DENND1B: variants seen among roughly 807,000 people sequenced by gnomAD.
The protein encoded by DENND1B is DENN domain containing 1B, also known as DENN domain-containing protein 1B.
A neutral mutation model predicts 90.1 loss-of-function variants in DENND1B; 59 were observed. That is an observed-to-expected ratio of 0.65 (90% CI 0.53 to 0.81). The LOEUF (loss-of-function observed/expected upper bound fraction) is 0.81, where lower values mean the gene tolerates loss of function less well. Ranked by LOEUF, DENND1B falls within the 40% of genes least tolerant of loss-of-function variation. The pLI is 0.00. For synonymous variants in DENND1B, 337 were observed against 324.6 expected, an observed-to-expected ratio of 1.04 and a Z score of -0.41; for missense variants, 862 against 912.6, an observed-to-expected ratio of 0.94 and a Z score of 0.71.
At chr1:197,697,351 AAAC>A (rs1658539076) in intron 3 of DENND1B, among the ~76,000 whole-genome samples, 1 of 151,792 alleles carries the variant, frequency 6.6e-6, no homozygotes, top group African/African-American at 2.4e-5. Flanking sequence ...TAAATAAAAG[AAAC>A]AACATTCCAA....
At chr1:197,671,091 T>G (rs1655460034) in intron 5 of DENND1B, among the ~76,000 whole-genome samples, 1 of 152,174 alleles carries the variant, frequency 6.6e-6, no homozygotes, top group Non-Finnish European at 1.5e-5. Context: ...TAAATATGAA[T>G]AGCAAATGAA....
intron 10 of DENND1B, among the ~76,000 whole-genome samples, chr1:197,636,855 T>C (rs1292049491): frequency 6.6e-6 from 1 of 151,888 alleles, no homozygotes; most frequent in Non-Finnish European, 1.5e-5. Flanking sequence ...GGAAAACAGA[T>C]GAGAGGGAGG....
At chr1:197,778,653 G>A (rs1262568020), upstream of DENND1B, among the ~76,000 whole-genome samples, 1 of 151,488 alleles carries the variant, frequency 6.6e-6, no homozygotes, top group East Asian at 1.9e-4. Flanking sequence ...TTGCAGCCTG[G>A]TTGACAGAGT....
rs1418000067 is a variant in DENND1B at position 197,686,968 on chromosome 1, TGCTTC to T, written c.127-12804_127-12800del. On this transcript the variant is annotated intron_variant, in intron 3 of 22. Transcript: ENST00000620048. ...TCGTTCATGCAACTTTTCCTCTCTT[TGCTTC>T]AATTTCCTATTCTGTGAAATAAAAG... Among the ~76,000 whole-genome samples the T allele has an allele frequency of 2.6e-5, 4 of 152,184 alleles. No individual in the cohort carries two copies. In the East Asian group the frequency reaches 5.8e-4, roughly 22 times the overall value.
chr1:197,623,754 T>C (rs1678388641), intron 10 of DENND1B, among the ~76,000 whole-genome samples: 1 of 151,452 alleles, frequency 6.6e-6, no homozygotes, highest in African/African-American at 2.4e-5. Flanking sequence ...ATCATTGTCA[T>C]CTGAGTCCCT....
intron 2 of DENND1B, among the ~76,000 whole-genome samples, chr1:197,719,400 A>G (rs1342751313): frequency 6.6e-6 from 1 of 152,174 alleles, no homozygotes; most frequent in Non-Finnish European, 1.5e-5. Context: ...GGAGCCTAAG[A>G]CAGAAGCTGA....
chr1:197,650,025 A>G lies in DENND1B; in HGVS notation c.447+2210T>C, dbSNP rs140971278. Among the ~76,000 whole-genome samples, 92 of 152,268 alleles carry G rather than the reference A, an allele frequency of 6.0e-4. 1 individual carries two copies. Among genetic ancestry groups the G allele is most frequent in the East Asian group, 4.1e-3 (21 of 5,170 alleles). ...CAAATCAGTAAAAATAAACAATCCC[A>G]TTAAAAAGTGAGCTAAGGACATGAA... On this transcript the variant is annotated intron_variant, in intron 7 of 22. Coordinates refer to ENST00000620048, the MANE Select transcript of DENND1B (RefSeq NM_001195215.2).
chr1:197,555,178 A>T (rs1003587473), intron 15 of DENND1B, among the ~76,000 whole-genome samples: 1 of 152,126 alleles, frequency 6.6e-6, no homozygotes, highest in African/African-American at 2.4e-5. Flanking sequence ...ATTAAAAAAA[A>T]TTAACTCAAG....
chr1:197,594,087 T>C (rs1021981615), intron 14 of DENND1B, among the ~76,000 whole-genome samples: 10 of 152,172 alleles, frequency 6.6e-5, no homozygotes, highest in African/African-American at 2.2e-4. Flanking sequence ...CTATGAATTA[T>C]ATAATGCTTT....
intron 20 of DENND1B, among the ~76,000 whole-genome samples, chr1:197,529,864 G>A (rs568134240): frequency 1.3e-5 from 2 of 152,126 alleles, no homozygotes; most frequent in Non-Finnish European, 2.9e-5. Context: ...TCTGCACCAT[G>A]ACCAGTGGCT....
rs1466861590 is a variant in DENND1B, at chr1:197,615,466, G to GC, written c.773+2192dup. 5.3e-5 allele frequency among the ~76,000 whole-genome samples: 8 copies of GC among 151,124 alleles called. No individual in the cohort carries two copies. In the South Asian group the frequency reaches 1.5e-3, roughly 27 times the overall value. ...TCAGGATTCAGAAAGTTCCAATCGTGCCAAAGAGTTAGCAAAGATATATCT... is the reference window on the plus strand; with the variant it reads ...TCAGGATTCAGAAAGTTCCAATCGTGCCCAAAGAGTTAGCAAAGATATATCT... On this transcript the variant is annotated intron_variant, in intron 11 of 22. Coordinates refer to ENST00000620048, the MANE Select transcript of DENND1B (RefSeq NM_001195215.2).
chr1:197,700,099 GA>G (rs1308897940), intron 3 of DENND1B, among the ~76,000 whole-genome samples: 4 of 151,962 alleles, frequency 2.6e-5, no homozygotes, highest in African/African-American at 7.3e-5. Context: ...CATAGAATTA[GA>G]AAAAAACTAT....
chr1:197,693,692 C>T lies in DENND1B; in HGVS notation c.127-19523G>A, dbSNP rs140348019. ...GAAAGATTTCAAATTATCATTTTCA[C>T]ATCATATTCCATCATCTTTTCATCA... On this transcript the variant is annotated intron_variant, in intron 3 of 22. Coordinates refer to ENST00000620048, the MANE Select transcript of DENND1B (RefSeq NM_001195215.2). Among the ~76,000 whole-genome samples the T allele has an allele frequency of 5.7e-4, 87 of 151,620 alleles. 1 individual carries two copies. The highest frequency in any genetic ancestry group is 3.6e-3 in the Admixed American group (55 of 15,168).
chr1:197,649,749 C>T (rs1173743663), intron 7 of DENND1B, among the ~76,000 whole-genome samples: 1 of 152,192 alleles, frequency 6.6e-6, no homozygotes, highest in African/African-American at 2.4e-5. Context: ...AATCTAAGAT[C>T]TGAAACTATA....
chr1:197,719,592 G>A (rs1660968344), intron 2 of DENND1B, among the ~76,000 whole-genome samples: 1 of 152,182 alleles, frequency 6.6e-6, no homozygotes, highest in Non-Finnish European at 1.5e-5. Context: ...GCTTTAAGGA[G>A]GAGGTATGAA....
chr1:197,725,993 T>TATATAC (rs1256966330), intron 2 of DENND1B, among the ~76,000 whole-genome samples: 1 of 151,710 alleles, frequency 6.6e-6, no homozygotes, highest in Admixed American at 6.6e-5. Flanking sequence ...CAGATATATA[T>TATATAC]ATATACATAT....
chr1:197,636,567 G>A (rs575283089), intron 10 of DENND1B, among the ~76,000 whole-genome samples: 11 of 152,190 alleles, frequency 7.2e-5, no homozygotes, highest in East Asian at 3.9e-4. Context: ...TCTGTCTACC[G>A]TGGATAACAA....
intron 13 of DENND1B, among the ~76,000 whole-genome samples, chr1:197,599,618 T>A (rs1040415509): frequency 6.6e-6 from 1 of 151,814 alleles, no homozygotes; most frequent in South Asian, 2.1e-4. Flanking sequence ...AGTTATCACA[T>A]GAATTAGATA....
chr1:197,598,530 G>A (rs1200697955), intron 13 of DENND1B, among the ~76,000 whole-genome samples: 19 of 151,730 alleles, frequency 1.3e-4, no homozygotes, highest in Admixed American at 1.3e-3. Context: ...GGTCTGTCCT[G>A]TACTTTTTAA....
Sources: allele counts gnomAD v4.1 joint callset (sites outside exome capture counted in the v4.1 genomes callset), GRCh38; gene constraint gnomAD v4.1.1; transcripts MANE v1.5; gene names NCBI Gene and HGNC (gene_info 2026-07-23, HGNC 2026-07-21).